Variants in MDGA2 observed in about 807,000 individuals in gnomAD.
MDGA2 encodes the protein MAM domain containing glycosylphosphatidylinositol anchor 2.
In MDGA2, 40 loss-of-function variants were observed where a neutral mutation model predicts 117.8. The observed-to-expected ratio is 0.34, with a 90% CI of 0.26 to 0.44. MDGA2 has a LOEUF of 0.44. Among genes scored for constraint, MDGA2 ranks in the 20% least tolerant of loss-of-function variants. The pLI, the probability that MDGA2 is intolerant of heterozygous loss-of-function variation, is 1.00. For synonymous variants in MDGA2, 452 were observed against 439.0 expected, an observed-to-expected ratio of 1.03 and a Z score of -0.37; for missense variants, 1,123 against 1,250.6, an observed-to-expected ratio of 0.90 and a Z score of 1.54.
intron 2 of MDGA2, among the ~76,000 whole-genome samples, chr14:47,261,611 A>C (rs142346317): frequency 2.0e-5 from 3 of 152,288 alleles, no homozygotes; most frequent in African/African-American, 7.2e-5. Flanking sequence ...TGCCAAGTAC[A>C]GCAGCAAAAA....
intron 1 of MDGA2, among the ~76,000 whole-genome samples, chr14:47,311,192 C>G (rs1019767787): frequency 1.3e-5 from 2 of 152,150 alleles, no homozygotes; most frequent in Non-Finnish European, 2.9e-5. Flanking sequence ...GAAACATCCA[C>G]AAAGCCCCAG....
chr14:47,201,350 A>G (rs1002521174), intron 3 of MDGA2, among the ~76,000 whole-genome samples: 2 of 152,158 alleles, frequency 1.3e-5, no homozygotes, highest in Admixed American at 1.3e-4. Context: ...ACACTCTCAC[A>G]AAAGTATTAT....
At chr14:47,418,627 A>T (rs1000599195) in intron 1 of MDGA2, among the ~76,000 whole-genome samples, 2 of 152,130 alleles carry the variant, frequency 1.3e-5, no homozygotes, top group African/African-American at 4.8e-5. Flanking sequence ...TCAAACTGAG[A>T]GTTAGAATTT....
chr14:47,012,122 A>C (rs964034372), intron 8 of MDGA2, among the ~76,000 whole-genome samples: 3 of 152,112 alleles, frequency 2.0e-5, no homozygotes, highest in African/African-American at 7.2e-5. Flanking sequence ...ATCAGAGAAA[A>C]AAATGCAAAA....
At chr14:47,391,699 A>G (rs779756978) in intron 1 of MDGA2, among the ~76,000 whole-genome samples, 3 of 152,180 alleles carry the variant, frequency 2.0e-5, no homozygotes, top group East Asian at 1.9e-4. Context: ...TCATTCTCAC[A>G]GTAAAATACA....
chr14:47,109,482 C>T (rs913208154), intron 5 of MDGA2, among the ~76,000 whole-genome samples: 1 of 152,098 alleles, frequency 6.6e-6, no homozygotes, highest in African/African-American at 2.4e-5. Flanking sequence ...AGGAGTAGGA[C>T]ATCAGAGTAA....
In MDGA2 at chr14:47,218,179, G is replaced by A. The variant is rs1566686154; in HGVS notation, c.437C>T (p.Thr146Ile). The stretch of plus-strand genomic sequence containing the variant: ...GAATCTGTCAGAGGCACTTCCTGCT[G>A]TTTTGGTCCACCTGATCTGAGCAAG... ...HPRPQIRWTK[T>I]AGSASDRFQD... Residue 146 changes from threonine to isoleucine, a missense_variant, in exon 3 of 17, where the codon ACA becomes ATA. Transcript: ENST00000399232. 1.9e-6 allele frequency: 3 copies of A among 1,547,704 alleles called. No homozygotes were observed. The highest frequency in any genetic ancestry group is 1.7e-6 in the Non-Finnish European group (2 of 1,144,880).
intron 1 of MDGA2, among the ~76,000 whole-genome samples, chr14:47,302,369 C>A (rs79028366): frequency 8.0e-4 from 122 of 152,234 alleles, no homozygotes; most frequent in African/African-American, 2.6e-3. Flanking sequence ...TTATTGACAG[C>A]TACTAGCTTC....
intron 15 of MDGA2, among the ~76,000 whole-genome samples, chr14:46,851,041 C>G (rs1243311628): frequency 3.3e-5 from 5 of 151,800 alleles, no homozygotes; most frequent in Non-Finnish European, 5.9e-5. Context: ...GAACATAAGG[C>G]AGCATGATGT....
chr14:47,054,987 A>AT (rs377004443), intron 7 of MDGA2, among the ~76,000 whole-genome samples: 6 of 131,004 alleles, frequency 4.6e-5, no homozygotes, highest in African/African-American at 5.8e-5. Context: ...CCGTTGTCCA[A>AT]TTTTTTTTTC....
At chr14:47,363,185 T>C (rs937124729) in intron 1 of MDGA2, among the ~76,000 whole-genome samples, 1 of 152,154 alleles carries the variant, frequency 6.6e-6, no homozygotes, top group Non-Finnish European at 1.5e-5. Context: ...TTAGACTTCC[T>C]AACTTATTAA....
intron 1 of MDGA2, among the ~76,000 whole-genome samples, chr14:47,483,005 G>A (rs957514327): frequency 3.3e-5 from 5 of 151,444 alleles, no homozygotes; most frequent in Admixed American, 3.3e-4. Flanking sequence ...TCCTGTTCAA[G>A]TTTAAAATAC....
intron 6 of MDGA2, among the ~76,000 whole-genome samples, chr14:47,065,219 G>A (rs1224697636): frequency 6.6e-6 from 1 of 152,042 alleles, no homozygotes. Context: ...TTAATATTGT[G>A]AATTGAATAC....
At chr14:47,151,708 C>G (rs1883170432) in intron 3 of MDGA2, among the ~76,000 whole-genome samples, 1 of 151,590 alleles carries the variant, frequency 6.6e-6, no homozygotes. Flanking sequence ...TATTATTAAA[C>G]TGGGGCCAAA....
intron 1 of MDGA2, among the ~76,000 whole-genome samples, chr14:47,303,517 C>T (rs895383578): frequency 2.6e-5 from 4 of 152,046 alleles, no homozygotes. Flanking sequence ...ACATTTCCTA[C>T]AAATCATTTC....
intron 1 of MDGA2, among the ~76,000 whole-genome samples, chr14:47,398,110 T>A (rs924308114): frequency 4.6e-5 from 7 of 152,274 alleles, no homozygotes; most frequent in South Asian, 2.1e-4. Flanking sequence ...GATTGGTGTC[T>A]GGTCCAGGTA....
intron 1 of MDGA2, among the ~76,000 whole-genome samples, chr14:47,626,986 G>A (rs1897157218): frequency 6.6e-6 from 1 of 152,262 alleles, no homozygotes; most frequent in African/African-American, 2.4e-5. Flanking sequence ...GTGGGGACTT[G>A]GAGAATCTTT....
chr14:47,651,165 A>C (rs1897632845), intron 1 of MDGA2, among the ~76,000 whole-genome samples: 1 of 151,696 alleles, frequency 6.6e-6, no homozygotes, highest in Non-Finnish European at 1.5e-5. Flanking sequence ...CACAGTTTTC[A>C]AGAACCTGTA....
chr14:47,227,674 G>C (rs1211321476), intron 2 of MDGA2, among the ~76,000 whole-genome samples: 1 of 151,836 alleles, frequency 6.6e-6, no homozygotes, highest in Non-Finnish European at 1.5e-5. Flanking sequence ...AAAAATCATT[G>C]TTGCTTGAAT....
Sources: gnomAD v4.1 joint callset for allele counts (sites outside exome capture counted in the v4.1 genomes callset) on GRCh38, gnomAD v4.1.1 for gene constraint, MANE v1.5 for transcripts, NCBI Gene and HGNC (gene_info 2026-07-23, HGNC 2026-07-21) for gene names.